Variants in GALNTL6 observed in about 807,000 individuals in gnomAD.
GALNTL6 encodes the protein polypeptide N-acetylgalactosaminyltransferase-like 6.
A neutral mutation model predicts 73.7 loss-of-function variants in GALNTL6; 46 were observed. That is an observed-to-expected ratio of 0.62 (90% CI 0.49 to 0.80). The LOEUF is 0.80. GALNTL6 is among the 30% of genes least tolerant of loss of function. The pLI, the probability that GALNTL6 is intolerant of heterozygous loss-of-function variation, is 0.00. For synonymous variants in GALNTL6, 259 were observed against 263.7 expected (o/e 0.98, Z 0.17); for missense variants, 604 against 755.0 (o/e 0.80, Z 2.34).
At chr4:172,581,401 C>T (rs1737183995) in intron 5 of GALNTL6, among the ~76,000 whole-genome samples, 1 of 152,120 alleles carries the variant, frequency 6.6e-6, no homozygotes, top group African/African-American at 2.4e-5. Flanking sequence ...AGTTATCTGA[C>T]CTGTGTTTTC....
intron 5 of GALNTL6, among the ~76,000 whole-genome samples, chr4:172,620,486 G>C (rs919110619): frequency 6.6e-6 from 1 of 151,972 alleles, no homozygotes; most frequent in Non-Finnish European, 1.5e-5. Flanking sequence ...GCTTTATTTA[G>C]TAATCTAGAA....
chr4:172,297,532 A>G (rs1578924736), intron 3 of GALNTL6, among the ~76,000 whole-genome samples: 1 of 152,188 alleles, frequency 6.6e-6, no homozygotes, highest in East Asian at 1.9e-4. Flanking sequence ...TAATTTTTAT[A>G]TAAGGTGTAA....
In GALNTL6 at chr4:172,759,147, A is replaced by G. The variant is rs73869633; in HGVS notation, c.554-50214A>G. Among the ~76,000 whole-genome samples, 942 of 152,322 alleles carry G rather than the reference A, an allele frequency of 6.2e-3. 10 individuals carry two copies. The highest frequency in any genetic ancestry group is 0.018 in the African/African-American group (736 of 41,588). ...CACAAGAAGAGGAAGAGGGCATTGT[A>G]TGAAAGCAGAGTGTCCCTGAACTCA... On this transcript the variant is annotated intron_variant, in intron 5 of 12. Transcript: ENST00000506823.
chr4:172,948,415 C>T (rs780991497), intron 9 of GALNTL6, among the ~76,000 whole-genome samples: 7 of 151,000 alleles, frequency 4.6e-5, no homozygotes, highest in Non-Finnish European at 8.9e-5. Context: ...TTGAGGGGGG[C>T]TTTTTTGGTT....
At chr4:171,993,330 CT>C (rs1740393613) in intron 2 of GALNTL6, among the ~76,000 whole-genome samples, 1 of 151,450 alleles carries the variant, frequency 6.6e-6, no homozygotes, top group Non-Finnish European at 1.5e-5. Flanking sequence ...GATATTTTTT[CT>C]GTGGATGAAG....
intron 5 of GALNTL6, among the ~76,000 whole-genome samples, chr4:172,781,307 C>T (rs1011930161): frequency 5.3e-5 from 8 of 151,998 alleles, no homozygotes; most frequent in Non-Finnish European, 1.0e-4. Context: ...GTAAAACTTT[C>T]GAAGGAGTAA....
intron 7 of GALNTL6, among the ~76,000 whole-genome samples, chr4:172,854,586 T>C (rs1298418584): frequency 6.6e-6 from 1 of 152,052 alleles, no homozygotes; most frequent in Non-Finnish European, 1.5e-5. Context: ...TAGCCTAAAT[T>C]TTCCCATCTC....
intron 7 of GALNTL6, among the ~76,000 whole-genome samples, chr4:172,830,893 C>T (rs531923370): frequency 2.7e-4 from 41 of 152,244 alleles, no homozygotes; most frequent in African/African-American, 6.5e-4. Context: ...GGAGCAGTAG[C>T]GCACGCCTGT....
At chr4:171,920,716 A>G (rs548072740) in intron 2 of GALNTL6, among the ~76,000 whole-genome samples, 1 of 152,314 alleles carries the variant, frequency 6.6e-6, no homozygotes, top group East Asian at 1.9e-4. Context: ...AAATACATAC[A>G]CACAAACACA....
chr4:172,421,568 TA>T (rs1731053865), intron 5 of GALNTL6, among the ~76,000 whole-genome samples: 1 of 151,904 alleles, frequency 6.6e-6, no homozygotes, highest in Non-Finnish European at 1.5e-5. Flanking sequence ...ATATAGCAAA[TA>T]ATTTTAATAA....
At chr4:172,635,839 A>G (rs548955985) in intron 5 of GALNTL6, among the ~76,000 whole-genome samples, 5 of 152,302 alleles carry the variant, frequency 3.3e-5, no homozygotes, top group Admixed American at 1.3e-4. Context: ...TTGAACTTAA[A>G]TTATTCATTT....
chr4:172,900,015 G>A (rs748237423), intron 8 of GALNTL6, among the ~76,000 whole-genome samples: 1 of 152,084 alleles, frequency 6.6e-6, no homozygotes, highest in African/African-American at 2.4e-5. Flanking sequence ...TATATCTTGT[G>A]CAGACTTCCC....
At chr4:172,908,600 A>G in intron 8 of GALNTL6, among the ~76,000 whole-genome samples, 1 of 139,182 alleles carries the variant, frequency 7.2e-6, no homozygotes, top group East Asian at 2.0e-4. Context: ...TAAAATATGC[A>G]TGAGCGTGAG....
At chr4:172,380,802 T>C (rs1441392461) in intron 5 of GALNTL6, among the ~76,000 whole-genome samples, 1 of 152,232 alleles carries the variant, frequency 6.6e-6, no homozygotes, top group Non-Finnish European at 1.5e-5. Context: ...ATTTAGAACA[T>C]CTTATCCTTA....
chr4:172,064,508 A>G (rs1356897482), intron 2 of GALNTL6, among the ~76,000 whole-genome samples: 1 of 152,186 alleles, frequency 6.6e-6, no homozygotes, highest in African/African-American at 2.4e-5. Context: ...AGGCAGGAGG[A>G]GGTTAGTGGA....
intron 10 of GALNTL6, among the ~76,000 whole-genome samples, chr4:172,961,904 G>T (rs184064117): frequency 6.6e-6 from 1 of 152,212 alleles, no homozygotes; most frequent in African/African-American, 2.4e-5. Flanking sequence ...CAAATTTCAC[G>T]CATGTCTGTG....
In GALNTL6 at chr4:172,422,449, C is replaced by T. The variant is rs1351285176; in HGVS notation, c.553+73760C>T. The stretch of plus-strand genomic sequence containing the variant: ...TCATTTGGTTACAGGAATGTCCAAC[C>T]GTCCTGATGTTCCTCCTTCTAGTTT... On this transcript the variant is annotated intron_variant, in intron 5 of 12. Coordinates refer to ENST00000506823, the MANE Select transcript of GALNTL6 (RefSeq NM_001034845.3). Among the ~76,000 whole-genome samples the T allele has an allele frequency of 3.9e-5, 6 of 151,996 alleles. No individual in the cohort carries two copies. In the East Asian group the frequency reaches 9.7e-4, roughly 25 times the overall value.
chr4:172,515,807 A>T (rs1440775843), intron 5 of GALNTL6, among the ~76,000 whole-genome samples: 1 of 152,122 alleles, frequency 6.6e-6, no homozygotes, highest in Non-Finnish European at 1.5e-5. Flanking sequence ...AGCACCTAAA[A>T]AATTTAGGGC....
chr4:172,405,423 ATATATATATATATATATATATTTT>A, intron 5 of GALNTL6, among the ~76,000 whole-genome samples: 1 of 20,580 alleles, frequency 4.9e-5, no homozygotes, highest in Admixed American at 2.3e-4. Context: ...ATATATATAT[ATATATATATATATATATATATTTT>A]TTTTTTTTTT....
Sources: gnomAD v4.1 joint callset for allele counts (sites outside exome capture counted in the v4.1 genomes callset) on GRCh38, gnomAD v4.1.1 for gene constraint, MANE v1.5 for transcripts, NCBI Gene and HGNC (gene_info 2026-07-23, HGNC 2026-07-21) for gene names.